TENM4: variants seen among roughly 807,000 people sequenced by gnomAD.
TENM4 encodes teneurin-4.
A neutral mutation model predicts 243.3 loss-of-function variants in TENM4; 82 were observed. That is an observed-to-expected ratio of 0.34 (90% CI 0.28 to 0.40). TENM4 has a LOEUF of 0.40. Ranked by LOEUF, TENM4 falls within the 10% of genes least tolerant of loss-of-function variation. The probability of loss-of-function intolerance (pLI) is 1.00; values close to 1 mark genes in which losing one functional copy is unlikely to be tolerated. For synonymous variants in TENM4, 1,412 were observed against 1,456.3 expected (o/e 0.97, Z 0.69); for missense variants, 3,138 against 3,673.3 (o/e 0.85, Z 3.77).
chr11:79,181,236 AC>A (rs1863276418), intron 3 of TENM4, among the ~76,000 whole-genome samples: 1 of 152,204 alleles, frequency 6.6e-6, no homozygotes, highest in Non-Finnish European at 1.5e-5. Flanking sequence ...ATAAAAAACT[AC>A]ACACCATGAC....
intron 1 of TENM4, among the ~76,000 whole-genome samples, chr11:79,429,638 G>T (rs11827071): frequency 0.14 from 21,189 of 152,174 alleles, 1,665 homozygotes; most frequent in Middle Eastern, 0.18. Flanking sequence ...GCAAAGCAGA[G>T]AATTCAACCC....
rs547860156 is a variant in TENM4, at chr11:79,085,400, T to C, written c.-65-15391A>G. ...TCAAAAAAAAAAAAGGGGGGTTTTT[T>C]TTTTGGGTCAGGCTTTTTTGAGTCA... On this transcript the variant is annotated intron_variant, in intron 4 of 33. Transcript: ENST00000278550. 8.6e-5 allele frequency among the ~76,000 whole-genome samples: 13 copies of C among 151,584 alleles called. No individual in the cohort carries two copies. The South Asian group carries it at 2.7e-3, about 32-fold the overall frequency.
At chr11:79,197,870 T>C (rs938844335) in intron 3 of TENM4, among the ~76,000 whole-genome samples, 2 of 152,134 alleles carry the variant, frequency 1.3e-5, no homozygotes, top group African/African-American at 4.8e-5. Context: ...GAAGCCTTTC[T>C]GCACACACTG....
chr11:79,360,266 T>C (rs1857568608), intron 1 of TENM4, among the ~76,000 whole-genome samples: 2 of 152,362 alleles, frequency 1.3e-5, no homozygotes, highest in Non-Finnish European at 2.9e-5. Flanking sequence ...CTTGTTAAAC[T>C]GATTTCAAAA....
chr11:79,250,757 C>T (rs1565268732), intron 2 of TENM4, among the ~76,000 whole-genome samples: 1 of 152,212 alleles, frequency 6.6e-6, no homozygotes, highest in African/African-American at 2.4e-5. Context: ...TCACAGATGT[C>T]CACGGAAGGC....
chr11:79,197,742 T>G (rs968656758), intron 3 of TENM4, among the ~76,000 whole-genome samples: 2 of 152,196 alleles, frequency 1.3e-5, no homozygotes, highest in African/African-American at 4.8e-5. Flanking sequence ...ATGCATTGTT[T>G]TGCTGGGGGA....
intron 6 of TENM4, among the ~76,000 whole-genome samples, chr11:79,024,695 A>C (rs1218138669): frequency 6.6e-6 from 1 of 152,186 alleles, no homozygotes; most frequent in Non-Finnish European, 1.5e-5. Context: ...AAAGGGATTG[A>C]CACACATTGT....
intron 1 of TENM4, among the ~76,000 whole-genome samples, chr11:79,306,902 G>A (rs1320161624): frequency 1.3e-5 from 2 of 151,860 alleles, no homozygotes; most frequent in East Asian, 3.9e-4. Context: ...AAACAGCCAA[G>A]AAAACCTAGA....
intron 6 of TENM4, among the ~76,000 whole-genome samples, chr11:79,011,577 G>C (rs532363542): frequency 3.2e-4 from 49 of 152,138 alleles, no homozygotes; most frequent in Non-Finnish European, 5.7e-4. Context: ...CAGATCCTCT[G>C]CCTACACTCT....
At chr11:78,743,581 G>C (rs1018992593) in intron 19 of TENM4, among the ~76,000 whole-genome samples, 2 of 152,130 alleles carry the variant, frequency 1.3e-5, no homozygotes, top group Non-Finnish European at 2.9e-5. Flanking sequence ...GGGCTGGAAG[G>C]GTTGTGCCCT....
intron 21 of TENM4, among the ~76,000 whole-genome samples, chr11:78,731,457 CA>C (rs951884465): frequency 1.2e-4 from 18 of 152,264 alleles, no homozygotes; most frequent in African/African-American, 3.6e-4. Context: ...GAAATATACA[CA>C]AAAAAATATA....
intron 6 of TENM4, among the ~76,000 whole-genome samples, chr11:78,908,605 G>A (rs1048093494): frequency 1.3e-5 from 2 of 152,206 alleles, no homozygotes; most frequent in African/African-American, 4.8e-5. Flanking sequence ...TGGCTCCTAG[G>A]AGCTCTAGTC....
chr11:78,979,023 G>C (rs912732124), intron 6 of TENM4, among the ~76,000 whole-genome samples: 3 of 152,308 alleles, frequency 2.0e-5, no homozygotes, highest in Non-Finnish European at 2.9e-5. Context: ...TGACAGAAGA[G>C]AAAGGTGCCT....
intron 12 of TENM4, among the ~76,000 whole-genome samples, chr11:78,831,499 T>C (rs1416665232): frequency 6.6e-6 from 1 of 152,138 alleles, no homozygotes. Context: ...TGGAGCAACA[T>C]CTCAGGGAAG....
At chr11:78,858,285 A>T (rs776660664) in intron 10 of TENM4, among the ~76,000 whole-genome samples, 2 of 152,180 alleles carry the variant, frequency 1.3e-5, no homozygotes, top group Non-Finnish European at 1.5e-5. Context: ...AGGAGGTGAC[A>T]AAAGGGGACT....
At chr11:79,181,973 C>T (rs190118253) in intron 3 of TENM4, among the ~76,000 whole-genome samples, 29 of 150,212 alleles carry the variant, frequency 1.9e-4, no homozygotes, top group Admixed American at 7.3e-4. Context: ...AACTGTTCCA[C>T]GTTTATAAAC....
chr11:78,960,867 G>A (rs149299394), intron 6 of TENM4, among the ~76,000 whole-genome samples: 218 of 152,338 alleles, frequency 1.4e-3, no homozygotes, highest in Non-Finnish European at 2.3e-3. Flanking sequence ...CAGACAGGCT[G>A]TCTGTAAATC....
chr11:79,249,912 A>C (rs886275484), intron 2 of TENM4, among the ~76,000 whole-genome samples: 2 of 152,234 alleles, frequency 1.3e-5, no homozygotes, highest in Non-Finnish European at 2.9e-5. Flanking sequence ...TAGTGGCGGC[A>C]TTACTCATTT....
At chr11:78,970,456 G>A (rs1857517964) in intron 6 of TENM4, among the ~76,000 whole-genome samples, 1 of 152,140 alleles carries the variant, frequency 6.6e-6, no homozygotes, top group Admixed American at 6.5e-5. Context: ...ATTAATAATA[G>A]TTTCCCCTTA....
Sources: allele counts gnomAD v4.1 joint callset (sites outside exome capture counted in the v4.1 genomes callset), GRCh38; gene constraint gnomAD v4.1.1; transcripts MANE v1.5; gene names NCBI Gene and HGNC (gene_info 2026-07-23, HGNC 2026-07-21).